Variants in APBA1 observed in about 807,000 individuals in gnomAD.
The protein encoded by APBA1 is amyloid-beta A4 precursor protein-binding family A member 1.
In APBA1, 55 loss-of-function variants were observed where a neutral mutation model predicts 86.6. The observed-to-expected ratio is 0.64, with a 90% confidence interval of 0.51 to 0.80. The LOEUF is 0.80. APBA1 is among the 30% of genes least tolerant of loss of function. The pLI is 0.00. For synonymous variants in APBA1, 511 were observed against 493.9 expected (o/e 1.03, Z -0.46); for missense variants, 1,090 against 1,183.0 (o/e 0.92, Z 1.15).
chr9:69,642,419 C>T (rs1281426330), intron 1 of APBA1, among the ~76,000 whole-genome samples: 1 of 152,172 alleles, frequency 6.6e-6, no homozygotes, highest in Non-Finnish European at 1.5e-5. Flanking sequence ...TACCACTTAA[C>T]TAGAATACCT....
At chr9:69,636,927 GAAA>G (rs1564098991) in intron 1 of APBA1, among the ~76,000 whole-genome samples, 301 of 120,524 alleles carry the variant, frequency 2.5e-3, no homozygotes, top group African/African-American at 8.3e-3. Flanking sequence ...AGGAAGGAAA[GAAA>G]GAAAGAAAGA....
intron 1 of APBA1, among the ~76,000 whole-genome samples, chr9:69,589,471 C>T (rs1457993886): frequency 6.6e-6 from 1 of 152,182 alleles, no homozygotes; most frequent in Admixed American, 6.5e-5. Flanking sequence ...TCTCTCACAA[C>T]CACTTAAAGC....
intron 2 of APBA1, among the ~76,000 whole-genome samples, chr9:69,483,603 A>G (rs189494894): frequency 6.6e-6 from 1 of 152,298 alleles, no homozygotes; most frequent in East Asian, 1.9e-4. Context: ...GAACAGAAAG[A>G]TAATGCAGTG....
intron 1 of APBA1, among the ~76,000 whole-genome samples, chr9:69,644,711 G>T (rs766192590): frequency 1.3e-5 from 2 of 152,174 alleles, no homozygotes; most frequent in South Asian, 2.1e-4. Context: ...GGGGATGTCT[G>T]TGGAAAACTG....
intron 1 of APBA1, among the ~76,000 whole-genome samples, chr9:69,655,505 T>C (rs1823591393): frequency 6.6e-6 from 1 of 151,944 alleles, no homozygotes; most frequent in Non-Finnish European, 1.5e-5. Flanking sequence ...AAATAATAAA[T>C]TACCTAGGTC....
chr9:69,620,889 C>T (rs1176778724), intron 1 of APBA1, among the ~76,000 whole-genome samples: 1 of 152,172 alleles, frequency 6.6e-6, no homozygotes, highest in Non-Finnish European at 1.5e-5. Flanking sequence ...AGTTGGACGA[C>T]AGTGAAGCTC....
chr9:69,568,199 A>G (rs1037604357), intron 1 of APBA1, among the ~76,000 whole-genome samples: 2 of 152,130 alleles, frequency 1.3e-5, no homozygotes, highest in Non-Finnish European at 2.9e-5. Flanking sequence ...CCCATGCCCT[A>G]TGTAGAATTT....
chr9:69,481,539 T>C (rs1473655399), intron 2 of APBA1, among the ~76,000 whole-genome samples: 1 of 151,756 alleles, frequency 6.6e-6, no homozygotes, highest in East Asian at 1.9e-4. Flanking sequence ...AAAATGGTCA[T>C]ACTGCCCAAG....
chr9:69,516,781 G>A lies in APBA1; in HGVS notation c.430C>T (p.Arg144Cys), dbSNP rs767220848. 33 of 1,610,712 alleles carry A rather than the reference G, an allele frequency of 2.0e-5. No individual in the cohort carries two copies. Among genetic ancestry groups the A allele is most frequent in the Middle Eastern group, 1.6e-4 (1 of 6,082 alleles). The part of the protein sequence containing the change: ...EAEHAEATHR[R>C]ALPNHLHFHS... ...AAGTGCAGGTGGTTGGGCAGCGCGC[G>A]GCGGTGCGTGGCCTCGGCGTGCTCG... The change falls in exon 2 of 13, where the codon CGC becomes TGC. Residue 144 changes from arginine to cysteine, a missense_variant. Around this residue, in one of 6 missense-constraint regions of APBA1, gnomAD observed 678 missense variants for 647.1 expected, o/e 1.05. Transcript: ENST00000265381. This position sits in a 1 kb window ranked among gnomAD's most constrained non-coding sequence, Gnocchi z 7.3.
chr9:69,431,494 A>G, intron 12 of APBA1, 96 bp from the exon 13 acceptor site: 1 of 1,073,726 alleles, frequency 9.3e-7, no homozygotes, highest in Non-Finnish European at 1.4e-6. Context: ...TGCCTCTCCC[A>G]CAGAGGGCTT....
At chr9:69,647,604 A>G (rs985441602) in intron 1 of APBA1, among the ~76,000 whole-genome samples, 9 of 152,224 alleles carry the variant, frequency 5.9e-5, no homozygotes, top group African/African-American at 2.2e-4. Context: ...TTATTAAGTT[A>G]TTATTCAAGG....
intron 1 of APBA1, among the ~76,000 whole-genome samples, chr9:69,577,526 G>A (rs556918664): frequency 6.6e-6 from 1 of 152,162 alleles, no homozygotes; most frequent in Admixed American, 6.5e-5. Context: ...CTTTGGAAAG[G>A]AGACTGGAGG....
intron 11 of APBA1, among the ~76,000 whole-genome samples, chr9:69,440,144 G>T (rs972428780): frequency 2.0e-5 from 3 of 152,202 alleles, no homozygotes; most frequent in African/African-American, 7.2e-5. Flanking sequence ...TCCTCTGGAA[G>T]TTTTGTCTCA....
intron 1 of APBA1, among the ~76,000 whole-genome samples, chr9:69,567,530 C>T (rs1250429175): frequency 1.3e-5 from 2 of 152,052 alleles, no homozygotes; most frequent in African/African-American, 2.4e-5. Flanking sequence ...CCCATTAACT[C>T]GTCATTTACA....
At chr9:69,619,108 T>C (rs2133988233) in intron 1 of APBA1, among the ~76,000 whole-genome samples, 1 of 152,330 alleles carries the variant, frequency 6.6e-6, no homozygotes, top group Admixed American at 6.5e-5. Flanking sequence ...GTCAACTCTG[T>C]TTAATGAAAC....
At chr9:69,582,258 T>C (rs1821926319) in intron 1 of APBA1, among the ~76,000 whole-genome samples, 1 of 152,150 alleles carries the variant, frequency 6.6e-6, no homozygotes, top group African/African-American at 2.4e-5. Context: ...AGATACAAAG[T>C]AAGATAAACA....
At chr9:69,554,137 C>A (rs1048023746) in intron 1 of APBA1, among the ~76,000 whole-genome samples, 3 of 152,160 alleles carry the variant, frequency 2.0e-5, no homozygotes, top group Non-Finnish European at 4.4e-5. Context: ...ATTCAAATAC[C>A]TACTGTTTAC....
intron 1 of APBA1, among the ~76,000 whole-genome samples, chr9:69,642,324 G>A (rs1299324586): frequency 3.3e-5 from 5 of 152,120 alleles, no homozygotes; most frequent in Non-Finnish European, 7.4e-5. Context: ...AGATGCTTTA[G>A]TACAGAAAAG....
At chr9:69,577,064 T>C (rs946166744) in intron 1 of APBA1, among the ~76,000 whole-genome samples, 11 of 152,318 alleles carry the variant, frequency 7.2e-5, no homozygotes, top group Non-Finnish European at 1.5e-4. Flanking sequence ...GTATAAAGTA[T>C]AGTGATCAGA....
Sources: allele counts gnomAD v4.1 joint callset (sites outside exome capture counted in the v4.1 genomes callset), GRCh38; gene constraint gnomAD v4.1.1; regional missense constraint gnomAD v4.1.1; non-coding constraint Gnocchi (gnomAD v3.1); transcripts MANE v1.5; gene names NCBI Gene and HGNC (gene_info 2026-07-23, HGNC 2026-07-21).